Variants in KCNMA1 observed in about 807,000 individuals in gnomAD.
The protein encoded by KCNMA1 is Calcium-activated potassium channel subunit alpha-1.
A neutral mutation model predicts 140.0 loss-of-function variants in KCNMA1; 29 were observed. That is an observed-to-expected ratio of 0.21 (90% CI 0.15 to 0.28). The LOEUF (loss-of-function observed/expected upper bound fraction) is 0.28, where lower values mean the gene tolerates loss of function less well. KCNMA1 is among the 10% of genes least tolerant of loss of function. The pLI is 1.00. For missense variants in KCNMA1, 880 were observed against 1,602.2 expected (o/e 0.55, Z 7.70); for synonymous variants, 612 against 611.9 (o/e 1.00, Z 0.00).
At chr10:77,020,051 G>A (rs1449597382) in intron 16 of KCNMA1, 1 of 152,186 alleles carries the variant, frequency 6.6e-6, no homozygotes, top group Non-Finnish European at 1.5e-5. Flanking sequence ...TGCAGAGACT[G>A]AGAAAAGACT....
intron 18 of KCNMA1, among the ~76,000 whole-genome samples, chr10:77,006,794 C>G (rs1490030025): frequency 6.6e-6 from 1 of 152,178 alleles, no homozygotes; most frequent in African/African-American, 2.4e-5. Context: ...ATTTAGTATG[C>G]AGCTCTGCAG....
intron 22 of KCNMA1, among the ~76,000 whole-genome samples, chr10:76,946,047 T>C (rs1591557332): frequency 6.6e-6 from 1 of 152,052 alleles, no homozygotes; most frequent in Non-Finnish European, 1.5e-5. Context: ...AATAAGCCAG[T>C]AAACAGATTT....
intron 14 of KCNMA1, among the ~76,000 whole-genome samples, chr10:77,048,108 C>A (rs201204546): frequency 1.4e-5 from 2 of 143,582 alleles, no homozygotes; most frequent in African/African-American, 5.2e-5. Flanking sequence ...CATGATGAGA[C>A]AATAAATAAA....
chr10:77,419,686 T>C (rs908397858), intron 1 of KCNMA1, among the ~76,000 whole-genome samples: 4 of 152,220 alleles, frequency 2.6e-5, no homozygotes, highest in African/African-American at 9.6e-5. Flanking sequence ...CTGTCTATAC[T>C]ATTTTTTTAA....
At chr10:77,408,600 C>T (rs988733325) in intron 1 of KCNMA1, among the ~76,000 whole-genome samples, 1 of 152,098 alleles carries the variant, frequency 6.6e-6, no homozygotes, top group Non-Finnish European at 1.5e-5. Context: ...GCTGCAGCCT[C>T]CAGCTACCCC....
At chr10:77,538,508 T>C (rs1281235829) in intron 1 of KCNMA1, among the ~76,000 whole-genome samples, 1 of 152,194 alleles carries the variant, frequency 6.6e-6, no homozygotes, top group African/African-American at 2.4e-5. Context: ...CAACCAGATC[T>C]GAGTTAGAAT....
At chr10:77,211,953 C>T (rs757232410) in intron 3 of KCNMA1, among the ~76,000 whole-genome samples, 1 of 152,144 alleles carries the variant, frequency 6.6e-6, no homozygotes, top group Non-Finnish European at 1.5e-5. Flanking sequence ...ACAACAGATG[C>T]TGGCAAGGCT....
At chr10:77,308,056 C>G (rs1436692988) in intron 2 of KCNMA1, among the ~76,000 whole-genome samples, 1 of 152,082 alleles carries the variant, frequency 6.6e-6, no homozygotes, top group African/African-American at 2.4e-5. Flanking sequence ...CACAGCATAC[C>G]CAGCGACAAG....
intron 15 of KCNMA1, among the ~76,000 whole-genome samples, chr10:77,038,721 T>G (rs1269959492): frequency 1.3e-5 from 2 of 152,148 alleles, no homozygotes; most frequent in Non-Finnish European, 2.9e-5. Context: ...CCTTATTTTT[T>G]GTAGAGATAA....
Position 76,941,017 on chromosome 10 carries a change from G to GAAA in KCNMA1, c.2902+3755_2902+3756insTTT, listed in dbSNP as rs1565057908. On this transcript the variant is annotated intron_variant, in intron 23 of 27. Coordinates refer to ENST00000286628, the MANE Select transcript of KCNMA1 (RefSeq NM_001161352.2). ...AGAAAGAAAGGAAGGAAGGAAGGAAGGAAGAAAGAAAGAAAGAAAGAAAGA... is the reference window on the plus strand; with the variant it reads ...AGAAAGAAAGGAAGGAAGGAAGGAAGAAAGAAGAAAGAAAGAAAGAAAGAAAGA... 4.4e-3 allele frequency among the ~76,000 whole-genome samples: 244 copies of GAAA among 54,874 alleles called. 3 individuals are homozygous for GAAA. Among genetic ancestry groups the GAAA allele is most frequent in the Middle Eastern group, 0.02 (3 of 152 alleles). 36.0% of individuals were successfully genotyped at this position (54,874 alleles called of 152,430 possible).
chr10:77,115,774 A>G (rs2097446836), intron 6 of KCNMA1, among the ~76,000 whole-genome samples: 1 of 152,298 alleles, frequency 6.6e-6, no homozygotes, highest in Non-Finnish European at 1.5e-5. Flanking sequence ...AAAACAGTCC[A>G]TGTTTAGCTC....
At chr10:77,051,853 C>A (rs946008529) in intron 14 of KCNMA1, among the ~76,000 whole-genome samples, 4 of 152,160 alleles carry the variant, frequency 2.6e-5, no homozygotes, top group African/African-American at 9.7e-5. Context: ...TGAGGTGGTG[C>A]ATGTAAAGTG....
At chr10:77,086,996 T>C (rs1595676797) in intron 10 of KCNMA1, among the ~76,000 whole-genome samples, 1 of 152,218 alleles carries the variant, frequency 6.6e-6, no homozygotes, top group Admixed American at 6.5e-5. Flanking sequence ...AGTCTCTGGA[T>C]GAGAATGGCA....
intron 2 of KCNMA1, among the ~76,000 whole-genome samples, chr10:77,324,971 C>CTCTCTGTGTGTGTGTG (rs766240356): frequency 1.1e-5 from 1 of 90,378 alleles, no homozygotes; most frequent in Non-Finnish European, 2.1e-5. Context: ...CTCTCTCTCT[C>CTCTCTGTGTGTGTGTG]TGTGTGTGTG....
chr10:77,223,299 T>C (rs2050274077), intron 3 of KCNMA1, among the ~76,000 whole-genome samples: 1 of 152,116 alleles, frequency 6.6e-6, no homozygotes, highest in Non-Finnish European at 1.5e-5. Flanking sequence ...CAGACCATGT[T>C]GTGACACACA....
chr10:77,196,320 C>A (rs2040462080), intron 3 of KCNMA1, among the ~76,000 whole-genome samples: 1 of 152,074 alleles, frequency 6.6e-6, no homozygotes, highest in South Asian at 2.1e-4. Flanking sequence ...AGGAATGGGT[C>A]TCTGTACTGA....
At chr10:77,010,967 G>A (rs960691274) in intron 18 of KCNMA1, among the ~76,000 whole-genome samples, 1 of 151,934 alleles carries the variant, frequency 6.6e-6, no homozygotes, top group East Asian at 1.9e-4. Context: ...CCTGTATGTT[G>A]GCTGTGTGAC....
intron 1 of KCNMA1, among the ~76,000 whole-genome samples, chr10:77,404,366 C>A (rs2154465754): frequency 6.6e-6 from 1 of 152,220 alleles, no homozygotes; most frequent in Admixed American, 6.5e-5. Flanking sequence ...GCAACCTCCA[C>A]CCACCAGGTG....
intron 14 of KCNMA1, among the ~76,000 whole-genome samples, chr10:77,046,669 A>G (rs1266781077): frequency 1.3e-5 from 2 of 152,200 alleles, no homozygotes; most frequent in African/African-American, 2.4e-5. Context: ...ATTTCCCTCT[A>G]TGTTCCAATG....
Sources: gnomAD v4.1 joint callset for allele counts (sites outside exome capture counted in the v4.1 genomes callset) on GRCh38, gnomAD v4.1.1 for gene constraint, MANE v1.5 for transcripts, NCBI Gene and HGNC (gene_info 2026-07-23, HGNC 2026-07-21) for gene names.